RARG: variants seen among roughly 807,000 people sequenced by gnomAD.
RARG encodes the protein RAR-gamma.
RARG carries 17 observed loss-of-function variants against 43.7 expected under a neutral mutation model. The observed-to-expected ratio is 0.39, with a 90% CI of 0.27 to 0.58. The LOEUF (loss-of-function observed/expected upper bound fraction) is 0.58. Among genes scored for constraint, RARG ranks in the 20% least tolerant of loss-of-function variants. RARG has a pLI of 0.57. For synonymous variants in RARG, 238 were observed against 236.4 expected (o/e 1.01, Z -0.06); for missense variants, 346 against 598.7 (o/e 0.58, Z 4.40).
chr12:53,223,475 G>T (rs1225301049), intron 3 of RARG, among the ~76,000 whole-genome samples: 1 of 151,410 alleles, frequency 6.6e-6, no homozygotes, highest in Non-Finnish European at 1.5e-5. Flanking sequence ...GCCAGGAGAG[G>T]GGGGTGCAGC....
intron 5 of RARG, chr12:53,214,942 G>C (rs536667510): frequency 3.9e-5 from 16 of 408,182 alleles, no homozygotes; most frequent in African/African-American, 1.6e-4. Context: ...GGGGGCGAGG[G>C]GGGGGTGGAG....
Position 53,215,292 on chromosome 12 carries a change from C to T in RARG, c.475+1G>A. On this transcript the variant is annotated splice_donor_variant, in intron 5 of 9. Transcript: ENST00000425354. LOFTEE classifies it high-confidence loss of function. The surrounding 1 kb of genome is among the most constrained non-coding windows in gnomAD (Gnocchi z 6.4). Reference sequence around the variant, plus strand: ...TGCCCAAGCCAAGGATGGCAGCCTACCTTCCTTGGACATGCCCACTTCGAA... The same window carrying T: ...TGCCCAAGCCAAGGATGGCAGCCTATCTTCCTTGGACATGCCCACTTCGAA... The T allele has an allele frequency of 6.2e-7, 1 of 1,613,972 alleles. No homozygotes were observed. Among genetic ancestry groups the T allele is most frequent in the Non-Finnish European group, 8.5e-7 (1 of 1,179,886 alleles).
Position 53,213,800 on chromosome 12 carries a change from A to G in RARG, c.814-100T>C, listed in dbSNP as rs1474711293. ...GGAGGTTAGGTCCCCAGTGAGTGCAACCTGAAGCAGGCATGGAGAAGGCAG... is the reference window on the plus strand; with the variant it reads ...GGAGGTTAGGTCCCCAGTGAGTGCAGCCTGAAGCAGGCATGGAGAAGGCAG... On this transcript the variant is annotated intron_variant, in intron 7 of 9. Coordinates refer to ENST00000425354, the MANE Select transcript of RARG (RefSeq NM_000966.6). This position sits in a 1 kb window ranked among gnomAD's most constrained non-coding sequence, Gnocchi z 4.7. 2 of 1,295,554 alleles carry G rather than the reference A, an allele frequency of 1.5e-6. No homozygotes were observed. Among genetic ancestry groups the G allele is most frequent in the East Asian group, 2.4e-5 (1 of 42,296 alleles). 80.3% of individuals were successfully genotyped at this position (1,295,554 alleles called of 1,614,324 possible).
At chr12:53,228,793 C>T (rs958177629) in intron 2 of RARG, among the ~76,000 whole-genome samples, 2 of 152,138 alleles carry the variant, frequency 1.3e-5, no homozygotes, top group African/African-American at 2.4e-5. Context: ...AGGCTGGTCT[C>T]GAACTCCCAA....
Position 53,225,451 on chromosome 12 carries a change from G to A in RARG, c.184+1911C>T, listed in dbSNP as rs551774853. Among the ~76,000 whole-genome samples the A allele has an allele frequency of 3.3e-5, 5 of 152,040 alleles. No individual in the cohort carries two copies. In the South Asian group the frequency reaches 6.2e-4, roughly 19 times the overall value. On this transcript the variant is annotated intron_variant, in intron 3 of 9. Transcript: ENST00000425354. ...GGCACCACACACTCACCCCTTCTCC[G>A]ATGAACACACTCTTTCCAGTGGAGC...
At position 53,211,967 on chromosome 12, in the gene RARG, C is replaced by T. The variant is rs768992771; in HGVS notation, c.1178-104G>A. ...AACTGCCCCTGACTCCCCTAGGGGGCGCCCAGCACAGGCCCACCACCTCTC... is the reference window on the plus strand; with the variant it reads ...AACTGCCCCTGACTCCCCTAGGGGGTGCCCAGCACAGGCCCACCACCTCTC... On this transcript the variant is annotated intron_variant, in intron 9 of 9. Coordinates refer to ENST00000425354, the MANE Select transcript of RARG (RefSeq NM_000966.6). This position sits in a 1 kb window ranked among gnomAD's most constrained non-coding sequence, Gnocchi z 4.6. 26 of 903,518 alleles carry T rather than the reference C, an allele frequency of 2.9e-5. No individual in the cohort carries two copies. Among genetic ancestry groups the T allele is most frequent in the Middle Eastern group, 3.7e-4 (1 of 2,704 alleles). 56.0% of individuals were successfully genotyped at this position (903,518 alleles called of 1,614,324 possible).
chr12:53,214,946 G>C (rs536634490), intron 5 of RARG: 67 of 408,696 alleles, frequency 1.6e-4, no homozygotes, highest in African/African-American at 9.0e-4. Flanking sequence ...GCGAGGGGGG[G>C]GTGGAGAGGA....
chr12:53,230,081 C>G, intron 2 of RARG: 1 of 708,122 alleles, frequency 1.4e-6, no homozygotes, highest in Non-Finnish European at 1.7e-6. Flanking sequence ...GGGTCTTAAA[C>G]CCAGGGTAGG....
Position 53,227,600 on chromosome 12 carries a change from A to G in RARG, c.-55T>C. The G allele has an allele frequency of 7.0e-7, 1 of 1,421,666 alleles. No individual in the cohort carries two copies. The allele number at this position is 1,421,666 out of a possible 1,614,324, so 88.1% of individuals were successfully genotyped here. A position where few individuals can be genotyped will look rare whatever the true frequency, so the allele number is the denominator to read the frequency against. On this transcript the variant is annotated 5_prime_UTR_variant, in exon 3 of 10. An upstream open reading frame in the 5' UTR loses its in-frame stop. Transcript: ENST00000425354. This position sits in a 1 kb window ranked among gnomAD's most constrained non-coding sequence, Gnocchi z 4.3. ...TCTGCAGTGGGCGGGCGAGGTCTTC[A>G]GCCACAGCCCCTGCCCATGCCCACT... is the stretch of plus-strand genomic sequence containing the variant.
Position 53,215,569 on chromosome 12 carries a change from C to T in RARG, c.333+77G>A, listed in dbSNP as rs1260086281. 3.8e-6 allele frequency: 6 copies of T among 1,584,490 alleles called. No homozygotes were observed. The African/African-American group carries it at 6.7e-5, about 18-fold the overall frequency. On this transcript the variant is annotated intron_variant, in intron 4 of 9. Transcript: ENST00000425354. This position sits in a 1 kb window ranked among gnomAD's most constrained non-coding sequence, Gnocchi z 6.4. ...TGTGCAAAGCAGTGCTGCTCAGACA[C>T]AGCATCTGTGTGCCTGGTCTCTCAT...
At chr12:53,223,382 A>G (rs1470606199) in intron 3 of RARG, among the ~76,000 whole-genome samples, 23 of 151,086 alleles carry the variant, frequency 1.5e-4, no homozygotes, top group Non-Finnish European at 3.0e-4. Flanking sequence ...GAGCAGAAGA[A>G]TAGCGAGGTG....
chr12:53,213,323 G>A lies in RARG; in HGVS notation c.1019-80C>T, dbSNP rs1276244553. 3.2e-5 allele frequency: 48 copies of A among 1,491,548 alleles called. 1 individual carries two copies. The highest frequency in any genetic ancestry group is 2.5e-4 in the East Asian group (11 of 44,044). The allele number at this position is 1,491,548 out of a possible 1,614,324, so 92.4% of individuals were successfully genotyped here. A position where few individuals can be genotyped will look rare whatever the true frequency, so the allele number is the denominator to read the frequency against. On this transcript the variant is annotated intron_variant, in intron 8 of 9. Coordinates refer to ENST00000425354, the MANE Select transcript of RARG (RefSeq NM_000966.6). The surrounding 1 kb of genome is among the most constrained non-coding windows in gnomAD (Gnocchi z 4.7). ...AGTGACAGATGGCTGATCACCAACC[G>A]GCGTTTTGGGAAGCCTGTACAGGGT...
Position 53,210,820 on chromosome 12 carries a change from C to T in RARG, c.*856G>A, listed in dbSNP as rs1310568088. 1 of 152,584 alleles carries T rather than the reference C, an allele frequency of 6.6e-6. No individual in the cohort carries two copies. The highest frequency in any genetic ancestry group is 2.4e-5 in the African/African-American group (1 of 41,434). 9.5% of individuals were successfully genotyped at this position (152,584 alleles called of 1,614,324 possible). On this transcript the variant is annotated 3_prime_UTR_variant, in exon 10 of 10. Coordinates refer to ENST00000425354, the MANE Select transcript of RARG (RefSeq NM_000966.6). ...GAAGGGGTCAATTCCACGGTGTAAA[C>T]AAAAGCTAATAAATAAATAGAGGCT...
At chr12:53,228,446 T>A (rs1943159056) in intron 2 of RARG, among the ~76,000 whole-genome samples, 1 of 152,138 alleles carries the variant, frequency 6.6e-6, no homozygotes, top group Non-Finnish European at 1.5e-5. Flanking sequence ...TCATATTAGT[T>A]CTCTTTGTAC....
intron 3 of RARG, among the ~76,000 whole-genome samples, chr12:53,218,110 T>C (rs964807016): frequency 6.6e-6 from 1 of 152,026 alleles, no homozygotes; most frequent in Non-Finnish European, 1.5e-5. Flanking sequence ...CAGCCAGCAC[T>C]TGGCCACACA....
chr12:53,218,377 G>A (rs1437061973), intron 3 of RARG, among the ~76,000 whole-genome samples: 1 of 152,104 alleles, frequency 6.6e-6, no homozygotes, highest in Non-Finnish European at 1.5e-5. Flanking sequence ...TCTTCCATAG[G>A]CCTGAAAAAA....
At chr12:53,214,675 C>T (rs1246529492) in intron 5 of RARG, 69 bp from the exon 6 acceptor site, 2 of 1,431,786 alleles carry the variant, frequency 1.4e-6, no homozygotes, top group East Asian at 2.5e-5. Context: ...CTCTCTCACC[C>T]TAATTTAATA....
chr12:53,221,401 T>C (rs1467934602), intron 3 of RARG, among the ~76,000 whole-genome samples: 4 of 152,160 alleles, frequency 2.6e-5, no homozygotes. Flanking sequence ...AATCTGCCCC[T>C]GATGGCCAAC....
intron 3 of RARG, among the ~76,000 whole-genome samples, chr12:53,217,303 G>A (rs2120648547): frequency 6.6e-6 from 1 of 152,242 alleles, no homozygotes; most frequent in African/African-American, 2.4e-5. Flanking sequence ...ATGTGAGGAG[G>A]GCTGGAACGC....
Sources: gnomAD v4.1 joint callset for allele counts (sites outside exome capture counted in the v4.1 genomes callset) on GRCh38, gnomAD v4.1.1 for gene constraint, Gnocchi (gnomAD v3.1) non-coding constraint, MANE v1.5 for transcripts, NCBI Gene and HGNC (gene_info 2026-07-23, HGNC 2026-07-21) for gene names.